PRDM6: variants seen among roughly 807,000 people sequenced by gnomAD.
PRDM6 encodes the protein PR/SET domain 6, also known as putative histone-lysine N-methyltransferase PRDM6.
In PRDM6, 25 loss-of-function variants were observed where a neutral mutation model predicts 60.8. That is an observed-to-expected ratio of 0.41 (90% confidence interval 0.30 to 0.57). The LOEUF (loss-of-function observed/expected upper bound fraction) is 0.57, where lower values mean the gene tolerates loss of function less well. Ranked by LOEUF, PRDM6 falls within the 20% of genes least tolerant of loss-of-function variation. PRDM6 has a pLI of 0.27. For synonymous variants in PRDM6, 407 were observed against 357.4 expected, an observed-to-expected ratio of 1.14 and a Z score of -1.57; for missense variants, 839 against 821.3, an observed-to-expected ratio of 1.02 and a Z score of -0.26.
Position 123,157,890 on chromosome 5 carries a change from C to T in PRDM6, c.1029-1624C>T, listed in dbSNP as rs187055219. Among the ~76,000 whole-genome samples the T allele has an allele frequency of 9.2e-5, 14 of 152,320 alleles. No individual in the cohort carries two copies. The East Asian group carries it at 2.3e-3, about 25-fold the overall frequency. ...ATTGGCATGTGTTCCACTTCAACTG[C>T]GTTGGGACGCCATGAAGCTATCTTT... On this transcript the variant is annotated intron_variant, in intron 4 of 7. Transcript: ENST00000407847.
Position 123,089,353 on chromosome 5 carries a change from C to T in PRDM6, c.-182C>T, listed in dbSNP as rs990772906. On this transcript the variant is annotated 5_prime_UTR_variant, in exon 1 of 8. Coordinates refer to ENST00000407847, the MANE Select transcript of PRDM6 (RefSeq NM_001136239.4). ...GCACTCTCGCGCCCTCCGCGGGCCTCCCAATTTTCTCGCTTGCAGGTCGGG... is the reference window on the plus strand; with the variant it reads ...GCACTCTCGCGCCCTCCGCGGGCCTTCCAATTTTCTCGCTTGCAGGTCGGG... 3 of 152,794 alleles carry T rather than the reference C, an allele frequency of 2.0e-5. No individual in the cohort carries two copies. Among genetic ancestry groups the T allele is most frequent in the African/African-American group, 7.2e-5 (3 of 41,424 alleles). 9.5% of individuals were successfully genotyped at this position (152,794 alleles called of 1,614,324 possible).
At chr5:123,166,161 C>T (rs1018216179) in intron 5 of PRDM6, among the ~76,000 whole-genome samples, 1 of 152,216 alleles carries the variant, frequency 6.6e-6, no homozygotes, top group Admixed American at 6.5e-5. Context: ...CAAGCCTCGG[C>T]TGCAGCCCAT....
chr5:123,130,114 C>G (rs1162735290), intron 3 of PRDM6, among the ~76,000 whole-genome samples: 1 of 44,704 alleles, frequency 2.2e-5, no homozygotes, highest in African/African-American at 1.4e-4. Flanking sequence ...CCCTCCCCTC[C>G]TCTCCCCTTC....
At chr5:123,118,807 A>AT (rs544222317) in intron 3 of PRDM6, among the ~76,000 whole-genome samples, 136 of 152,166 alleles carry the variant, frequency 8.9e-4, no homozygotes, top group Middle Eastern at 3.4e-3. Flanking sequence ...CTGCCCTAGA[A>AT]TTTTTTTTCT....
At chr5:123,140,950 C>T (rs1023193436) in intron 3 of PRDM6, among the ~76,000 whole-genome samples, 2 of 151,978 alleles carry the variant, frequency 1.3e-5, no homozygotes, top group African/African-American at 4.8e-5. Flanking sequence ...AATTGAACCT[C>T]AGATTCTAAG....
Position 123,099,625 on chromosome 5 carries a change from C to A in PRDM6, c.593-29C>A. ...CGGGGCGGCCGGATTAACCCGCTCC[C>A]TTCCCTTCCTCCTTCTTGTCTCCCG... On this transcript the variant is annotated intron_variant, in intron 2 of 7. Coordinates refer to ENST00000407847, the MANE Select transcript of PRDM6 (RefSeq NM_001136239.4). The surrounding 1 kb of genome is among the most constrained non-coding windows in gnomAD (Gnocchi z 4.0). 6.9e-7 allele frequency: 1 copy of A among 1,439,782 alleles called. No homozygotes were observed. Among genetic ancestry groups the A allele is most frequent in the South Asian group, 1.5e-5 (1 of 65,406 alleles). The allele number at this position is 1,439,782 out of a possible 1,614,324, so 89.2% of individuals were successfully genotyped here. A position where few individuals can be genotyped will look rare whatever the true frequency, so the allele number is the denominator to read the frequency against.
intron 2 of PRDM6, among the ~76,000 whole-genome samples, chr5:123,097,636 ACAAT>A (rs78274341): frequency 0.054 from 8,144 of 152,224 alleles, 226 homozygotes; most frequent in Middle Eastern, 0.095. Context: ...TTTTATTTTC[ACAAT>A]CAATAAGCTT....
intron 3 of PRDM6, among the ~76,000 whole-genome samples, chr5:123,114,044 G>C (rs1764375102): frequency 6.6e-6 from 1 of 152,224 alleles, no homozygotes; most frequent in Non-Finnish European, 1.5e-5. Flanking sequence ...GTTGGGAGCA[G>C]TGTGCAAAAA....
intron 5 of PRDM6, among the ~76,000 whole-genome samples, chr5:123,165,916 A>G (rs1765741644): frequency 6.6e-6 from 1 of 152,166 alleles, no homozygotes; most frequent in South Asian, 2.1e-4. Context: ...CTAAATCCCC[A>G]GTTCCTTAAT....
At chr5:123,180,493 A>G (rs1432703753) in intron 7 of PRDM6, among the ~76,000 whole-genome samples, 170 bp downstream of exon 7, 2 of 152,234 alleles carry the variant, frequency 1.3e-5, no homozygotes, top group Admixed American at 1.3e-4. Context: ...CATTTGAAAA[A>G]TGAAGTCAGG....
chr5:123,150,954 T>G (rs1385189558), intron 3 of PRDM6, among the ~76,000 whole-genome samples: 1 of 152,244 alleles, frequency 6.6e-6, no homozygotes, highest in East Asian at 1.9e-4. Flanking sequence ...ATCCTAGTTG[T>G]TAATACTTAG....
At chr5:123,133,107 C>T (rs1223345121) in intron 3 of PRDM6, among the ~76,000 whole-genome samples, 1 of 151,988 alleles carries the variant, frequency 6.6e-6, no homozygotes, top group East Asian at 1.9e-4. Flanking sequence ...GATATAAAGT[C>T]AGTGACATAC....
At chr5:123,169,818 C>T (rs1765842838) in intron 5 of PRDM6, among the ~76,000 whole-genome samples, 1 of 152,180 alleles carries the variant, frequency 6.6e-6, no homozygotes. Flanking sequence ...GATGGAATAA[C>T]TGCGGCCCAG....
intron 3 of PRDM6, among the ~76,000 whole-genome samples, chr5:123,119,893 TAAGTC>T (rs763573278): frequency 1.3e-5 from 2 of 152,234 alleles, no homozygotes; most frequent in African/African-American, 2.4e-5. Context: ...ACTACCAAGT[TAAGTC>T]AAGTCAGTTT....
chr5:123,131,100 G>A (rs553203546), intron 3 of PRDM6, among the ~76,000 whole-genome samples: 11 of 152,224 alleles, frequency 7.2e-5, no homozygotes, highest in African/African-American at 2.6e-4. Context: ...GGTGATGCAC[G>A]TGTTCTCACT....
chr5:123,121,831 A>G (rs1764586768), intron 3 of PRDM6, among the ~76,000 whole-genome samples: 1 of 150,754 alleles, frequency 6.6e-6, no homozygotes, highest in Non-Finnish European at 1.5e-5. Flanking sequence ...AATATGTAAC[A>G]GTTTAGTTGG....
chr5:123,132,608 T>C (rs1764857490), intron 3 of PRDM6, among the ~76,000 whole-genome samples: 1 of 152,306 alleles, frequency 6.6e-6, no homozygotes, highest in Non-Finnish European at 1.5e-5. Flanking sequence ...ATCTGTGTTT[T>C]CTGCTGAGTG....
chr5:123,103,124 A>C (rs184063314), intron 3 of PRDM6, among the ~76,000 whole-genome samples: 32 of 152,200 alleles, frequency 2.1e-4, no homozygotes, highest in African/African-American at 7.5e-4. Flanking sequence ...AATTTAAAGG[A>C]AGTTAAATAT....
At chr5:123,181,422 G>A (rs1561886814) in intron 7 of PRDM6, among the ~76,000 whole-genome samples, 1 of 152,192 alleles carries the variant, frequency 6.6e-6, no homozygotes, top group Non-Finnish European at 1.5e-5. Context: ...AGACATACGG[G>A]GCATGGGGGA....
Sources: allele counts gnomAD v4.1 joint callset (sites outside exome capture counted in the v4.1 genomes callset), GRCh38; gene constraint gnomAD v4.1.1; non-coding constraint Gnocchi (gnomAD v3.1); transcripts MANE v1.5; gene names NCBI Gene and HGNC (gene_info 2026-07-23, HGNC 2026-07-21).